Variants in CDH12 observed in about 807,000 individuals in gnomAD.
The protein encoded by CDH12 is cadherin-12.
In CDH12, 41 loss-of-function variants were observed where a neutral mutation model predicts 74.1. The ratio of observed to expected loss-of-function variants is 0.55; its 90% CI spans 0.43 to 0.72. The LOEUF (loss-of-function observed/expected upper bound fraction) is 0.72. Among genes scored for constraint, CDH12 ranks in the 30% least tolerant of loss-of-function variants. The probability of loss-of-function intolerance (pLI) is 0.00; values close to 1 mark genes in which losing one functional copy is unlikely to be tolerated. For missense variants in CDH12, 945 were observed against 977.2 expected, an observed-to-expected ratio of 0.97 and a Z score of 0.44; for synonymous variants, 399 against 355.0, an observed-to-expected ratio of 1.12 and a Z score of -1.39.
chr5:21,873,333 G>C (rs561222463), intron 6 of CDH12, among the ~76,000 whole-genome samples: 6 of 152,256 alleles, frequency 3.9e-5, no homozygotes, highest in Admixed American at 6.5e-5. Context: ...TGTTTAAGAA[G>C]TATGAATGTA....
chr5:21,782,243 C>G (rs1466955737), intron 11 of CDH12, among the ~76,000 whole-genome samples: 1 of 152,200 alleles, frequency 6.6e-6, no homozygotes, highest in Non-Finnish European at 1.5e-5. Flanking sequence ...TCTTACATGA[C>G]ACTTTGGAAC....
At chr5:22,601,728 T>C (rs1736862905) in intron 1 of CDH12, among the ~76,000 whole-genome samples, 1 of 152,064 alleles carries the variant, frequency 6.6e-6, no homozygotes, top group Non-Finnish European at 1.5e-5. Flanking sequence ...ATTTTACAGC[T>C]GTGAAAAATC....
intron 1 of CDH12, among the ~76,000 whole-genome samples, chr5:22,741,612 T>G (rs1278750915): frequency 6.6e-6 from 1 of 152,158 alleles, no homozygotes; most frequent in Non-Finnish European, 1.5e-5. Flanking sequence ...TAAGTTAGCC[T>G]CCCTCAGTAT....
intron 3 of CDH12, among the ~76,000 whole-genome samples, chr5:22,297,872 T>A (rs1029677954): frequency 1.3e-5 from 2 of 152,098 alleles, no homozygotes; most frequent in Non-Finnish European, 2.9e-5. Flanking sequence ...GAAATTTAAA[T>A]ATAAATTTAC....
intron 5 of CDH12, among the ~76,000 whole-genome samples, chr5:22,065,904 C>A (rs1254151665): frequency 6.6e-6 from 1 of 152,070 alleles, no homozygotes; most frequent in East Asian, 1.9e-4. Context: ...GCTAGGGGGT[C>A]ATCCTGTTCC....
intron 6 of CDH12, among the ~76,000 whole-genome samples, chr5:21,863,920 A>G (rs1433578753): frequency 6.6e-6 from 1 of 152,208 alleles, no homozygotes; most frequent in Non-Finnish European, 1.5e-5. Context: ...TCTTGTGTAT[A>G]TACATTGCAT....
chr5:21,775,094 T>C (rs1223832762), intron 11 of CDH12, among the ~76,000 whole-genome samples: 5 of 152,154 alleles, frequency 3.3e-5, no homozygotes, highest in Admixed American at 6.5e-5. Flanking sequence ...GTGATTCACA[T>C]TGAGGAAGGC....
intron 1 of CDH12, among the ~76,000 whole-genome samples, chr5:22,690,321 A>G (rs1414936711): frequency 6.6e-6 from 1 of 152,158 alleles, no homozygotes; most frequent in Non-Finnish European, 1.5e-5. Flanking sequence ...GTGATCTTCA[A>G]CATTATCTAT....
chr5:21,849,342 A>G, intron 7 of CDH12, among the ~76,000 whole-genome samples: 1 of 151,878 alleles, frequency 6.6e-6, no homozygotes, highest in East Asian at 1.9e-4. Context: ...TCTAAAATAA[A>G]GCAAATGGAA....
chr5:22,019,365 A>T (rs546165024), intron 5 of CDH12, among the ~76,000 whole-genome samples: 61 of 152,216 alleles, frequency 4.0e-4, no homozygotes, highest in Non-Finnish European at 6.2e-4. Flanking sequence ...GAAAACAAAG[A>T]TCATATTATT....
At chr5:21,842,124 C>A in intron 8 of CDH12, 37 bp downstream of exon 8, 1 of 1,520,600 alleles carries the variant, frequency 6.6e-7, no homozygotes, top group South Asian at 1.3e-5. Context: ...TTTTTTTAAA[C>A]CGCAATAATT....
intron 3 of CDH12, among the ~76,000 whole-genome samples, chr5:22,333,628 T>C (rs149064541): frequency 1.8e-4 from 27 of 152,220 alleles, no homozygotes; most frequent in African/African-American, 6.5e-4. Context: ...ATCAAATGCA[T>C]TCTAGAAGGT....
intron 3 of CDH12, among the ~76,000 whole-genome samples, chr5:22,243,321 T>G (rs1235607880): frequency 6.6e-6 from 1 of 152,226 alleles, no homozygotes; most frequent in Non-Finnish European, 1.5e-5. Context: ...TAAATGGCGT[T>G]ACCCACATTT....
At chr5:22,669,758 A>T (rs1740810362) in intron 1 of CDH12, among the ~76,000 whole-genome samples, 1 of 152,228 alleles carries the variant, frequency 6.6e-6, no homozygotes, top group African/African-American at 2.4e-5. Context: ...GGATCACCAC[A>T]CACTTCCAAA....
At chr5:22,310,714 G>A (rs1365057034) in intron 3 of CDH12, among the ~76,000 whole-genome samples, 1 of 152,120 alleles carries the variant, frequency 6.6e-6, no homozygotes, top group Admixed American at 6.5e-5. Context: ...ACATGGTATT[G>A]TGTTACTTAT....
Position 22,836,223 on chromosome 5 carries a change from C to CTTTTT in CDH12, c.-523+16830_-523+16834dup, listed in dbSNP as rs61616737. 6.1e-4 allele frequency among the ~76,000 whole-genome samples: 40 copies of CTTTTT among 65,492 alleles called. 9 individuals carry two copies. Among genetic ancestry groups the CTTTTT allele is most frequent in the African/African-American group, 1.6e-3 (26 of 16,084 alleles). 43.0% of individuals were successfully genotyped at this position (65,492 alleles called of 152,430 possible). On this transcript the variant is annotated intron_variant, in intron 1 of 14. Transcript: ENST00000382254. Reference sequence around the variant, plus strand: ...TTTTTTTCTTTTTTTCTTTCTTTCTCTTTTTTTTTTTTTTTTTTGAGACAG... The same window carrying CTTTTT: ...TTTTTTTCTTTTTTTCTTTCTTTCTCTTTTTTTTTTTTTTTTTTTTTTTGAGACAG...
At chr5:22,680,238 A>G (rs1222807725) in intron 1 of CDH12, among the ~76,000 whole-genome samples, 1 of 152,042 alleles carries the variant, frequency 6.6e-6, no homozygotes, top group Non-Finnish European at 1.5e-5. Flanking sequence ...CTCTTTCTCT[A>G]TTACCTTCAC....
intron 4 of CDH12, among the ~76,000 whole-genome samples, chr5:22,104,001 T>G (rs766578593): frequency 7.2e-5 from 11 of 152,218 alleles, no homozygotes; most frequent in Non-Finnish European, 1.5e-4. Context: ...TTGTAAGGGT[T>G]GTATTCACTG....
chr5:22,233,735 AG>A (rs1197942257), intron 3 of CDH12, among the ~76,000 whole-genome samples: 1 of 152,180 alleles, frequency 6.6e-6, no homozygotes, highest in Non-Finnish European at 1.5e-5. Flanking sequence ...AATGATATAA[AG>A]TTGGACAAAG....
Sources: gnomAD v4.1 joint callset for allele counts (sites outside exome capture counted in the v4.1 genomes callset) on GRCh38, gnomAD v4.1.1 for gene constraint, MANE v1.5 for transcripts, NCBI Gene and HGNC (gene_info 2026-07-23, HGNC 2026-07-21) for gene names.